Variants in IL16 observed in about 807,000 individuals in gnomAD.
The protein encoded by IL16 is interleukin 16, also known as pro-interleukin-16.
A neutral mutation model predicts 110.1 loss-of-function variants in IL16; 67 were observed. That is an observed-to-expected ratio of 0.61 (90% CI 0.50 to 0.75). IL16 has a LOEUF of 0.75. Among genes scored for constraint, IL16 ranks in the 30% least tolerant of loss-of-function variants. IL16 has a pLI of 0.00. For synonymous variants in IL16, 689 were observed against 662.9 expected, an observed-to-expected ratio of 1.04 and a Z score of -0.61; for missense variants, 1,545 against 1,655.0, an observed-to-expected ratio of 0.93 and a Z score of 1.15.
chr15:81,211,265 T>G (rs200378700), intron 1 of IL16, among the ~76,000 whole-genome samples: 10 of 150,038 alleles, frequency 6.7e-5, no homozygotes, highest in Admixed American at 3.4e-4. Context: ...TTTTTTTTTT[T>G]TGTGAGACAG....
chr15:81,280,071 G>T (rs1052200272), intron 8 of IL16, among the ~76,000 whole-genome samples: 1 of 152,214 alleles, frequency 6.6e-6, no homozygotes, highest in Admixed American at 6.5e-5. Flanking sequence ...GCCAGGAGTG[G>T]TAGCTCTGCA....
chr15:81,294,756 C>T (rs1334891757), intron 12 of IL16, among the ~76,000 whole-genome samples: 2 of 152,162 alleles, frequency 1.3e-5, no homozygotes, highest in Non-Finnish European at 2.9e-5. Flanking sequence ...TTTTATTGGG[C>T]ACTGGAGAGG....
chr15:81,295,100 A>T (rs17875493), intron 12 of IL16, among the ~76,000 whole-genome samples: 76 of 152,194 alleles, frequency 5.0e-4, no homozygotes, highest in African/African-American at 1.8e-3. Flanking sequence ...AATCAGCCTA[A>T]ACTCTCCCCC....
chr15:81,304,712 G>A lies in IL16; in HGVS notation c.3420+1062G>A, dbSNP rs146197936. Among the ~76,000 whole-genome samples, 183 of 152,224 alleles carry A rather than the reference G, an allele frequency of 1.2e-3. 1 individual carries two copies. Among genetic ancestry groups the A allele is most frequent in the African/African-American group, 4.1e-3 (171 of 41,528 alleles). On this transcript the variant is annotated intron_variant, in intron 16 of 18. Transcript: ENST00000683961. ...CTTTAATTAACTTTAATCTTCGTTG[G>A]CCTAAAAATCCTCTAGCATTGAGGA... is the stretch of plus-strand genomic sequence containing the variant.
chr15:81,215,607 TC>T (rs768373286), intron 1 of IL16, among the ~76,000 whole-genome samples: 11 of 152,184 alleles, frequency 7.2e-5, no homozygotes, highest in Non-Finnish European at 1.3e-4. Flanking sequence ...TGCCCGTGTT[TC>T]TTTTGTTAGG....
intron 18 of IL16, among the ~76,000 whole-genome samples, chr15:81,307,142 C>A (rs916624250): frequency 2.6e-5 from 4 of 152,178 alleles, no homozygotes; most frequent in African/African-American, 9.7e-5. Context: ...TCATGAATGA[C>A]TGTGGCTACC....
intron 1 of IL16, among the ~76,000 whole-genome samples, chr15:81,216,151 G>A (rs796714893): frequency 4.3e-4 from 66 of 152,344 alleles, no homozygotes; most frequent in African/African-American, 1.6e-3. Flanking sequence ...AGTCCTGGGG[G>A]ATGACCATCT....
intron 10 of IL16, among the ~76,000 whole-genome samples, chr15:81,288,070 G>A (rs1024606583): frequency 2.6e-5 from 4 of 152,216 alleles, no homozygotes. Flanking sequence ...ACAGAGGTGA[G>A]GGCCTTGAGA....
intron 2 of IL16, among the ~76,000 whole-genome samples, chr15:81,249,597 T>C (rs1325044828): frequency 1.3e-5 from 2 of 152,200 alleles, no homozygotes; most frequent in Non-Finnish European, 2.9e-5. Flanking sequence ...GTCTTTTCTC[T>C]CTGGCTGCTG....
chr15:81,206,200 T>C (rs1896011825), intron 1 of IL16, among the ~76,000 whole-genome samples: 1 of 152,060 alleles, frequency 6.6e-6, no homozygotes, highest in South Asian at 2.1e-4. Flanking sequence ...TCTGAGAAAT[T>C]TCATCGTCGT....
At chr15:81,255,582 A>G (rs78307169) in intron 2 of IL16, among the ~76,000 whole-genome samples, 2 of 152,338 alleles carry the variant, frequency 1.3e-5, no homozygotes, top group East Asian at 3.9e-4. Flanking sequence ...GCATGTGGAA[A>G]CTGAGATTGC....
At chr15:81,194,187 T>C (rs1595933425), upstream of IL16, among the ~76,000 whole-genome samples, 2 of 152,158 alleles carry the variant, frequency 1.3e-5, no homozygotes, top group Non-Finnish European at 2.9e-5. Context: ...ACATGGAAAC[T>C]GAGACTCAGT....
chr15:81,218,896 G>A (rs949521405), intron 1 of IL16, among the ~76,000 whole-genome samples: 1 of 151,394 alleles, frequency 6.6e-6, no homozygotes, highest in Non-Finnish European at 1.5e-5. Flanking sequence ...TATACATTTA[G>A]GTTTTTTCTC....
chr15:81,216,961 T>C (rs1338214694), intron 1 of IL16, among the ~76,000 whole-genome samples: 3 of 152,172 alleles, frequency 2.0e-5, no homozygotes, highest in Non-Finnish European at 4.4e-5. Flanking sequence ...CACGACATGA[T>C]ATGCTATCAT....
Position 81,225,503 on chromosome 15 carries a change from C to G in IL16, c.104C>G (p.Ser35Cys), listed in dbSNP as rs767203646. ...LCNAKTSDDGSSPDEKYPDPF... is the reference protein window; with the variant it reads ...LCNAKTSDDGCSPDEKYPDPF... ...AATGCTAAGACCAGTGATGATGGCT[C>G]TAGCCCTGATGAGAAATATCCTGAT... The change falls in exon 2 of 19, where the codon TCT (serine) becomes TGT (cysteine). Residue 35 changes from serine (S) to cysteine (C), a missense_variant. Transcript: ENST00000683961. 1.9e-6 allele frequency: 3 copies of G among 1,614,102 alleles called. No individual in the cohort carries two copies. Among genetic ancestry groups the G allele is most frequent in the East Asian group, 2.2e-5 (1 of 44,878 alleles).
chr15:81,233,329 T>A (rs886657906), intron 2 of IL16, among the ~76,000 whole-genome samples: 1 of 152,098 alleles, frequency 6.6e-6, no homozygotes, highest in African/African-American at 2.4e-5. Flanking sequence ...ACCATTAACG[T>A]TACTCACATT....
intron 2 of IL16, among the ~76,000 whole-genome samples, chr15:81,253,002 C>A (rs1007841670): frequency 3.3e-5 from 5 of 152,120 alleles, no homozygotes; most frequent in Non-Finnish European, 5.9e-5. Context: ...AGGAATGGAA[C>A]TGCTGCATCA....
At chr15:81,308,520 C>G in intron 18 of IL16, 85 bp from the exon 19 acceptor site, 2 of 1,019,476 alleles carry the variant, frequency 2.0e-6, no homozygotes, top group South Asian at 3.1e-5. Flanking sequence ...CCAAGCTATC[C>G]TGGCTCTTTG....
chr15:81,246,092 A>G (rs1320318144), intron 2 of IL16, among the ~76,000 whole-genome samples: 1 of 152,174 alleles, frequency 6.6e-6, no homozygotes, highest in Non-Finnish European at 1.5e-5. Flanking sequence ...TCATCTATGA[A>G]TAATAATGGT....
Sources: allele counts gnomAD v4.1 joint callset (sites outside exome capture counted in the v4.1 genomes callset), GRCh38; gene constraint gnomAD v4.1.1; transcripts MANE v1.5; gene names NCBI Gene and HGNC (gene_info 2026-07-23, HGNC 2026-07-21).